The following GNG2 variants were observed in gnomAD, a reference collection of about 807,000 sequenced individuals.
GNG2 encodes guanine nucleotide-binding protein G(I)/G(S)/G(O) subunit gamma-2.
GNG2 carries 5 observed loss-of-function variants against 5.5 expected under a neutral mutation model. That is an observed-to-expected ratio of 0.91 (90% confidence interval 0.48 to 1.92). The LOEUF is 1.92. Among genes scored for constraint, GNG2 ranks in the 30% most tolerant of loss-of-function variants. The pLI is 0.01. For missense variants in GNG2, 55 were observed against 88.4 expected (o/e 0.62, Z 1.52); for synonymous variants, 28 against 32.0 (o/e 0.88, Z 0.42).
chr14:51,887,232 A>G (rs560719504), intron 2 of GNG2, among the ~76,000 whole-genome samples: 18 of 152,180 alleles, frequency 1.2e-4, no homozygotes, highest in Non-Finnish European at 2.4e-4. Flanking sequence ...TACAAAAACT[A>G]GCTGGACCCC....
intron 2 of GNG2, among the ~76,000 whole-genome samples, chr14:51,908,832 C>G (rs1179347153): frequency 6.7e-6 from 1 of 150,108 alleles, no homozygotes; most frequent in Non-Finnish European, 1.5e-5. Context: ...TCCATCTCAG[C>G]CTCCCAAAGT....
chr14:51,859,608 C>T (rs1476078084), upstream of GNG2, among the ~76,000 whole-genome samples: 1 of 152,188 alleles, frequency 6.6e-6, no homozygotes, highest in Non-Finnish European at 1.5e-5. Flanking sequence ...CTATCATCAA[C>T]TATGTTTTGC....
chr14:51,947,886 C>T (rs1888732446), intron 2 of GNG2, among the ~76,000 whole-genome samples: 2 of 152,182 alleles, frequency 1.3e-5, no homozygotes, highest in South Asian at 2.1e-4. Flanking sequence ...GAGAACCCCT[C>T]AATAATGGTG....
chr14:51,942,034 A>G (rs1187368710), intron 2 of GNG2, among the ~76,000 whole-genome samples: 1 of 152,226 alleles, frequency 6.6e-6, no homozygotes, highest in Non-Finnish European at 1.5e-5. Flanking sequence ...GGCAAATATA[A>G]CCCGGAATAA....
At position 51,829,842 on chromosome 14, in the gene GNG2, C is replaced by CTTT. The variant is rs1178449589; in HGVS notation, c.64+2037_64+2038insTTT. Among the ~76,000 whole-genome samples the CTTT allele has an allele frequency of 7.1e-5, 8 of 113,248 alleles. 1 individual carries two copies. The highest frequency in any genetic ancestry group is 2.8e-4 in the South Asian group (1 of 3,578). 74.3% of individuals were successfully genotyped at this position (113,248 alleles called of 152,430 possible). On this transcript the variant is annotated intron_variant, in intron 2 of 3. Coordinates refer to the GNG2 transcript ENST00000553432. ...GCTCCTAGTTGATCACTCCCTACTTCTTCTTTTTTTTTTTTTTTGAGACAG... is the reference window on the plus strand; with the variant it reads ...GCTCCTAGTTGATCACTCCCTACTTCTTTTTCTTTTTTTTTTTTTTTGAGACAG...
intron 3 of GNG2, among the ~76,000 whole-genome samples, chr14:51,952,809 T>C (rs978014166): frequency 2.0e-5 from 3 of 152,164 alleles, no homozygotes; most frequent in African/African-American, 7.2e-5. Context: ...TACATCTCCA[T>C]CCCGCCATCA....
chr14:51,929,326 C>G (rs952553739), intron 2 of GNG2, among the ~76,000 whole-genome samples: 1 of 152,210 alleles, frequency 6.6e-6, no homozygotes, highest in Non-Finnish European at 1.5e-5. Flanking sequence ...CCTATCTACC[C>G]CCGATGGTGG....
At chr14:51,955,999 A>T (rs1889254245) in intron 3 of GNG2, among the ~76,000 whole-genome samples, 1 of 152,182 alleles carries the variant, frequency 6.6e-6, no homozygotes. Context: ...TAGAGAGAGG[A>T]CATATATTCT....
intron 3 of GNG2, among the ~76,000 whole-genome samples, chr14:51,951,667 G>C (rs149070420): frequency 9.4e-4 from 143 of 152,198 alleles, no homozygotes; most frequent in African/African-American, 3.3e-3. Context: ...TCAGCACCTG[G>C]GCAATCCAGC....
At chr14:51,865,709 G>C (rs1882831632) in intron 1 of GNG2, among the ~76,000 whole-genome samples, 1 of 151,660 alleles carries the variant, frequency 6.6e-6, no homozygotes, top group South Asian at 2.1e-4. Flanking sequence ...AAAATATTTT[G>C]TTTAAAAAAA....
chr14:51,857,786 A>G (rs967123508), upstream of GNG2, among the ~76,000 whole-genome samples: 1 of 152,208 alleles, frequency 6.6e-6, no homozygotes, highest in Admixed American at 6.5e-5. Context: ...TATATTCCTG[A>G]TGTGGGCAAC....
chr14:51,903,951 T>G (rs1167135071), intron 2 of GNG2, among the ~76,000 whole-genome samples: 6 of 152,238 alleles, frequency 3.9e-5, no homozygotes, highest in Non-Finnish European at 8.8e-5. Flanking sequence ...GGCATTCTTA[T>G]AAAAGCAGTA....
chr14:51,860,872 G>A (rs1882427930), intron 1 of GNG2, 82 bp downstream of exon 1: 1 of 152,204 alleles, frequency 6.6e-6, no homozygotes, highest in African/African-American at 2.4e-5. Context: ...CGATTTCTAA[G>A]GGATGATAGA....
chr14:51,843,249 C>A (rs1026352246), intron 2 of GNG2, among the ~76,000 whole-genome samples: 1 of 152,176 alleles, frequency 6.6e-6, no homozygotes, highest in African/African-American at 2.4e-5. Context: ...CAAACATCTA[C>A]TTGGTTGTCT....
intron 2 of GNG2, among the ~76,000 whole-genome samples, chr14:51,844,189 G>A (rs1037704553): frequency 1.1e-4 from 16 of 152,222 alleles, no homozygotes; most frequent in African/African-American, 3.6e-4. Context: ...GCTACCAGCT[G>A]TGTGTTCCTG....
At chr14:51,937,623 A>ATTTTTTTTTT (rs60571273) in intron 2 of GNG2, among the ~76,000 whole-genome samples, 2 of 133,582 alleles carry the variant, frequency 1.5e-5, no homozygotes, top group Non-Finnish European at 1.5e-5. Context: ...GAAATACATA[A>ATTTTTTTTTT]TTTTTTTTTT....
At chr14:51,836,464 C>T (rs1881335266) in intron 2 of GNG2, among the ~76,000 whole-genome samples, 2 of 151,980 alleles carry the variant, frequency 1.3e-5, no homozygotes, top group East Asian at 3.9e-4. Context: ...TATGATGTTG[C>T]TTTGAGGGTT....
Position 51,966,783 on chromosome 14 carries a change from G to A in GNG2, c.*96G>A, listed in dbSNP as rs73299038. On this transcript the variant is annotated 3_prime_UTR_variant, in exon 4 of 4. Coordinates refer to ENST00000556766, the MANE Select transcript of GNG2 (RefSeq NM_053064.5). ...ACCTTTCTAGTCCACGGCATTTGAA[G>A]AGAGCGAGGAGAACCATTCTGGAAA... 1.8e-3 allele frequency: 1,863 copies of A among 1,040,454 alleles called. 17 individuals carry two copies. The African/African-American group carries it at 0.026, about 14-fold the overall frequency. The allele number at this position is 1,040,454 out of a possible 1,614,324, so 64.5% of individuals were successfully genotyped here.
rs745426755 is a variant in GNG2 at position 51,966,600 on chromosome 14, A to G, written c.129A>G (p.Ala43=). 1 of 1,613,718 alleles carries G rather than the reference A, an allele frequency of 6.2e-7. No individual in the cohort carries two copies. Among genetic ancestry groups the G allele is most frequent in the Non-Finnish European group, 8.5e-7 (1 of 1,179,622 alleles). ...AAADLMAYCE[A]HAKEDPLLTP... The stretch of plus-strand genomic sequence containing the variant: ...CAGATTTGATGGCCTACTGTGAAGC[A>G]CATGCCAAGGAAGACCCCCTCCTGA... The change falls in exon 4 of 4, where the codon GCA becomes GCG. Residue 43 remains alanine, a synonymous_variant. Coordinates refer to ENST00000556766, the MANE Select transcript of GNG2 (RefSeq NM_053064.5).
Sources: gnomAD v4.1 joint callset for allele counts (sites outside exome capture counted in the v4.1 genomes callset) on GRCh38, gnomAD v4.1.1 for gene constraint, MANE v1.5 for transcripts, NCBI Gene and HGNC (gene_info 2026-07-23, HGNC 2026-07-21) for gene names.